Variants in CACNA2D3 observed in about 807,000 individuals in gnomAD.
The protein encoded by CACNA2D3 is voltage-dependent calcium channel subunit alpha-2/delta-3.
In CACNA2D3, 60 loss-of-function variants were observed where a neutral mutation model predicts 160.6. The ratio of observed to expected loss-of-function variants is 0.37; its 90% CI spans 0.30 to 0.46. The LOEUF (loss-of-function observed/expected upper bound fraction) is 0.46. Among genes scored for constraint, CACNA2D3 ranks in the 20% least tolerant of loss-of-function variants. CACNA2D3 has a pLI of 1.00. For synonymous variants in CACNA2D3, 558 were observed against 492.9 expected (o/e 1.13, Z -1.75); for missense variants, 1,205 against 1,365.0 (o/e 0.88, Z 1.85).
At chr3:54,485,054 C>T (rs1700994642) in intron 4 of CACNA2D3, among the ~76,000 whole-genome samples, 1 of 152,026 alleles carries the variant, frequency 6.6e-6, no homozygotes, top group African/African-American at 2.4e-5. Flanking sequence ...ATCGTGTTGG[C>T]CAGGCTGGTC....
chr3:54,739,321 G>A lies in CACNA2D3; in HGVS notation c.1168-13278G>A, dbSNP rs181848684. Among the ~76,000 whole-genome samples the A allele has an allele frequency of 2.5e-3, 378 of 151,254 alleles. 2 individuals are homozygous for A. The highest frequency in any genetic ancestry group is 8.6e-3 in the African/African-American group (354 of 41,172). ...TGTAGTCCCAGCTACTTGGGAGGCC[G>A]AAGCGGGAGAATTGCCTGAACCTGG... is the stretch of plus-strand genomic sequence containing the variant. On this transcript the variant is annotated intron_variant, in intron 11 of 37. Coordinates refer to ENST00000474759, the MANE Select transcript of CACNA2D3 (RefSeq NM_018398.3).
At chr3:54,734,814 A>G (rs1243839520) in intron 11 of CACNA2D3, among the ~76,000 whole-genome samples, 1 of 152,226 alleles carries the variant, frequency 6.6e-6, no homozygotes, top group Non-Finnish European at 1.5e-5. Context: ...GCTATTACAT[A>G]ACAAAAGAAT....
At chr3:55,053,096 G>T (rs528026380) in intron 35 of CACNA2D3, among the ~76,000 whole-genome samples, 1 of 152,112 alleles carries the variant, frequency 6.6e-6, no homozygotes, top group East Asian at 1.9e-4. Context: ...ACAAGTATGA[G>T]TATATCCATT....
At chr3:54,247,602 A>G (rs1297449062) in intron 2 of CACNA2D3, among the ~76,000 whole-genome samples, 2 of 152,228 alleles carry the variant, frequency 1.3e-5, no homozygotes, top group Non-Finnish European at 2.9e-5. Context: ...AACATTGTAA[A>G]TATAAAAAAT....
intron 4 of CACNA2D3, among the ~76,000 whole-genome samples, chr3:54,424,629 C>T (rs1318354219): frequency 6.6e-6 from 1 of 151,298 alleles, no homozygotes; most frequent in Non-Finnish European, 1.5e-5. Context: ...GAGCCAGGAC[C>T]TGGGGGTGGG....
chr3:54,874,791 CCCTTAAGT>C (rs1239925537), intron 18 of CACNA2D3: 1 of 152,188 alleles, frequency 6.6e-6, no homozygotes. Context: ...ATGGAGAGAG[CCCTTAAGT>C]CCTTGAGTCC....
At chr3:54,268,467 T>G (rs981116756) in intron 2 of CACNA2D3, among the ~76,000 whole-genome samples, 7 of 152,324 alleles carry the variant, frequency 4.6e-5, no homozygotes, top group Admixed American at 3.9e-4. Flanking sequence ...TGGAGTGCAG[T>G]GGCGCAATGT....
chr3:54,599,566 C>T (rs183009741), intron 9 of CACNA2D3, among the ~76,000 whole-genome samples: 24 of 152,082 alleles, frequency 1.6e-4, no homozygotes, highest in Admixed American at 2.6e-4. Flanking sequence ...TTTTTTCTTC[C>T]CGGTGCTTCA....
chr3:54,926,602 A>G (rs931613884), intron 27 of CACNA2D3, among the ~76,000 whole-genome samples: 3 of 152,090 alleles, frequency 2.0e-5, no homozygotes, highest in African/African-American at 7.2e-5. Flanking sequence ...GTAATCATCA[A>G]TATGTCTCAT....
chr3:54,122,916 G>T (rs1699503966), intron 1 of CACNA2D3, 81 bp downstream of exon 1: 2 of 1,160,894 alleles, frequency 1.7e-6, no homozygotes, highest in Non-Finnish European at 2.1e-6. Flanking sequence ...GCGCCTGCAG[G>T]TGCGGCTGGG....
chr3:54,546,716 A>G (rs530548747), intron 5 of CACNA2D3, among the ~76,000 whole-genome samples: 1,655 of 32,706 alleles, frequency 0.051, 36 homozygotes, highest in African/African-American at 0.099. Flanking sequence ...ACACGCGCGC[A>G]CACACACACA....
chr3:54,944,513 C>T (rs967671288), intron 27 of CACNA2D3, among the ~76,000 whole-genome samples: 1 of 152,036 alleles, frequency 6.6e-6, no homozygotes, highest in Non-Finnish European at 1.5e-5. Context: ...CTCTGCCTCC[C>T]GGGTTCACGC....
At chr3:54,613,134 A>T (rs1258484744) in intron 9 of CACNA2D3, among the ~76,000 whole-genome samples, 9 of 152,236 alleles carry the variant, frequency 5.9e-5, no homozygotes, top group Non-Finnish European at 1.2e-4. Flanking sequence ...CAGACCTCTT[A>T]CAGTGTACAT....
intron 31 of CACNA2D3, among the ~76,000 whole-genome samples, chr3:54,993,945 G>T (rs3773578): frequency 6.8e-6 from 1 of 146,608 alleles, no homozygotes; most frequent in Non-Finnish European, 1.5e-5. Context: ...GTGGTTTTGC[G>T]TGGTTTTTGT....
At chr3:54,374,680 G>T (rs1474018054) in intron 3 of CACNA2D3, among the ~76,000 whole-genome samples, 2 of 152,126 alleles carry the variant, frequency 1.3e-5, no homozygotes, top group African/African-American at 4.8e-5. Flanking sequence ...GTGAGTAAGG[G>T]CACCAAGCTA....
chr3:54,855,280 C>G (rs1009619021), intron 17 of CACNA2D3, among the ~76,000 whole-genome samples: 1 of 152,036 alleles, frequency 6.6e-6, no homozygotes, highest in Non-Finnish European at 1.5e-5. Context: ...CTTCATAAGC[C>G]TACTAGTCTC....
intron 3 of CACNA2D3, among the ~76,000 whole-genome samples, chr3:54,321,540 T>C (rs1703994566): frequency 6.6e-6 from 1 of 152,210 alleles, no homozygotes; most frequent in Non-Finnish European, 1.5e-5. Flanking sequence ...AGGCAAACTG[T>C]TCCTTTAAGG....
At chr3:54,569,653 G>T in intron 6 of CACNA2D3, 142 bp from the exon 7 acceptor site, 1 of 678,470 alleles carries the variant, frequency 1.5e-6, no homozygotes, top group Non-Finnish European at 2.6e-6. Context: ...TTTGGCGATG[G>T]AGCATGTGAT....
intron 11 of CACNA2D3, among the ~76,000 whole-genome samples, chr3:54,681,382 CAAAAAAAAAA>C (rs565556596): frequency 1.1e-4 from 7 of 62,100 alleles, no homozygotes; most frequent in South Asian, 5.5e-4. Flanking sequence ...ACTAAAAATA[CAAAAAAAAAA>C]AAAAAAAAAA....
Sources: allele counts gnomAD v4.1 joint callset (sites outside exome capture counted in the v4.1 genomes callset), GRCh38; gene constraint gnomAD v4.1.1; transcripts MANE v1.5; gene names NCBI Gene and HGNC (gene_info 2026-07-23, HGNC 2026-07-21).